CR1: variants seen among roughly 807,000 people sequenced by gnomAD.
CR1 encodes the protein complement C3b/C4b receptor 1 (Knops blood group), also known as complement receptor type 1.
In CR1, 116 loss-of-function variants were observed where a neutral mutation model predicts 187.3. The observed-to-expected ratio is 0.62, with a 90% confidence interval of 0.53 to 0.72. CR1 has a LOEUF of 0.72. CR1 is among the 30% of genes least tolerant of loss of function. The pLI, the probability that CR1 is intolerant of heterozygous loss-of-function variation, is 0.00. For synonymous variants in CR1, 576 were observed against 747.1 expected, an observed-to-expected ratio of 0.77 and a Z score of 3.73; for missense variants, 1,731 against 2,110.7, an observed-to-expected ratio of 0.82 and a Z score of 3.52.
chr1:207,593,084 C>A (rs6657052), intron 35 of CR1, among the ~76,000 whole-genome samples: 8,262 of 81,450 alleles, frequency 0.1, 286 homozygotes, highest in Middle Eastern at 0.23. Context: ...CACAGAATTA[C>A]AAAAAAAAAA....
rs188314729 is a variant in CR1, at chr1:207,498,693, A to G, written c.121+2305A>G. Among the ~76,000 whole-genome samples the G allele has an allele frequency of 2.0e-5, 3 of 152,094 alleles. No individual in the cohort carries two copies. The East Asian group carries it at 5.8e-4, about 29-fold the overall frequency. On this transcript the variant is annotated intron_variant, in intron 1 of 46. Coordinates refer to ENST00000367049, the MANE Select transcript of CR1 (RefSeq NM_000651.6). Reference sequence around the variant, plus strand: ...CAGGAGTTCAAGACCAGCCTGGCCAACATAGTGAAACCCTGTCTCTACAAA... The same window carrying G: ...CAGGAGTTCAAGACCAGCCTGGCCAGCATAGTGAAACCCTGTCTCTACAAA...
intron 35 of CR1, chr1:207,606,565 C>G (rs1371720246): frequency 6.6e-6 from 1 of 152,202 alleles, no homozygotes; most frequent in African/African-American, 2.4e-5. Flanking sequence ...CAAGTTTAGG[C>G]CTGCTGTACA....
Position 207,581,975 on chromosome 1 carries a change from T to G in CR1, c.5274T>G (p.Leu1758=). The G allele has an allele frequency of 6.2e-7, 1 of 1,613,122 alleles. No individual in the cohort carries two copies. Among genetic ancestry groups the G allele is most frequent in the Non-Finnish European group, 8.5e-7 (1 of 1,179,290 alleles). The part of the protein sequence containing the change: ...SHCVLVGMRS[L]WNNSVPVCEH... ...GTGTCTTGGTTGGAATGAGAAGCCT[T>G]TGGAATAACAGTGTTCCTGTGTGTG... is the stretch of plus-strand genomic sequence containing the variant. Residue 1758 remains leucine, a synonymous_variant, in exon 32 of 47, where the codon CTT becomes CTG. Transcript: ENST00000367049.
intron 1 of CR1, among the ~76,000 whole-genome samples, chr1:207,501,000 T>C (rs938150799): frequency 7.0e-6 from 1 of 143,154 alleles, no homozygotes; most frequent in African/African-American, 2.9e-5. Flanking sequence ...GTGTGAAGGC[T>C]AAACCATAAA....
In CR1 at chr1:207,496,331, T is replaced by C. The variant is rs1186041714; in HGVS notation, c.64T>C (p.Cys22Arg). 12 of 1,613,392 alleles carry C rather than the reference T, an allele frequency of 7.4e-6. No homozygotes were observed. Among genetic ancestry groups the C allele is most frequent in the Non-Finnish European group, 1.0e-5 (12 of 1,179,778 alleles). The stretch of plus-strand genomic sequence containing the variant: ...GCCGCCGGCGCCCGGTCTCCCCTTC[T>C]GCTGCGGAGGATCCCTGCTGGCGGT... ...VGPPAPGLPFCCGGSLLAVVV... is the reference protein window; with the variant it reads ...VGPPAPGLPFRCGGSLLAVVV... The change falls in exon 1 of 47, where the codon TGC (cysteine) becomes CGC (arginine). Residue 22 changes from cysteine to arginine, a missense_variant. By Grantham distance (180) the Cys-to-Arg change is radical (BLOSUM62 -3). This residue lies in a region of CR1 where 237 missense variants were observed against 240.4 expected (regional missense o/e 0.99). Transcript: ENST00000367049.
At chr1:207,596,069 C>A (rs1661430143) in intron 35 of CR1, among the ~76,000 whole-genome samples, 1 of 145,678 alleles carries the variant, frequency 6.9e-6, no homozygotes, top group African/African-American at 2.5e-5. Flanking sequence ...ATATCTATAT[C>A]TATATCTATA....
At chr1:207,610,926 G>A (rs1475521597) in intron 37 of CR1, among the ~76,000 whole-genome samples, 1 of 151,848 alleles carries the variant, frequency 6.6e-6, no homozygotes, top group East Asian at 1.9e-4. Context: ...TTTATCCTTT[G>A]TGTTACAAAT....
At chr1:207,638,047 A>G (rs1662870440) in intron 46 of CR1, among the ~76,000 whole-genome samples, 1 of 152,250 alleles carries the variant, frequency 6.6e-6, no homozygotes, top group African/African-American at 2.4e-5. Context: ...ATAAATGTTT[A>G]AAAAATTTAA....
intron 35 of CR1, among the ~76,000 whole-genome samples, chr1:207,601,928 C>A (rs1231819673): frequency 6.6e-6 from 1 of 152,066 alleles, no homozygotes. Context: ...TTCAGTTCCT[C>A]ACTACATGGG....
chr1:207,587,089 T>A (rs1050547660), intron 33 of CR1, among the ~76,000 whole-genome samples: 2 of 152,136 alleles, frequency 1.3e-5, no homozygotes, highest in African/African-American at 2.4e-5. Context: ...ACTGAGGATA[T>A]AGGCACTCCG....
In CR1 at chr1:207,609,466, G is replaced by T; in HGVS notation, c.6073G>T (p.Val2025Phe). Residue 2025 changes from valine to phenylalanine, a missense_variant, in exon 37 of 47, where the codon GTT (valine) becomes TTT (phenylalanine). Val to Phe is a conservative substitution (Grantham distance 50). This residue lies in a region of CR1 where 1,312 missense variants were observed against 1,379.6 expected (regional missense o/e 0.95). Coordinates refer to ENST00000367049, the MANE Select transcript of CR1 (RefSeq NM_000651.6). ...ATATTGCACCAGCAAAGATGATCAAGTTGGTGTTTGGAGCAGCCCTCCCCC... is the reference window on the plus strand; with the variant it reads ...ATATTGCACCAGCAAAGATGATCAATTTGGTGTTTGGAGCAGCCCTCCCCC... Reference protein sequence around the residue: ...SIYCTSKDDQVGVWSSPPPRC... With the variant: ...SIYCTSKDDQFGVWSSPPPRC... 1 of 1,614,034 alleles carries T rather than the reference G, an allele frequency of 6.2e-7. No individual in the cohort carries two copies.
intron 46 of CR1, among the ~76,000 whole-genome samples, chr1:207,630,830 G>T (rs549011159): frequency 6.6e-6 from 1 of 152,056 alleles, no homozygotes; most frequent in South Asian, 2.1e-4. Flanking sequence ...AGTTAGTACA[G>T]TCACAGTCAC....
intron 31 of CR1, among the ~76,000 whole-genome samples, chr1:207,580,828 A>G (rs1016143102): frequency 3.3e-5 from 5 of 152,204 alleles, no homozygotes; most frequent in African/African-American, 1.2e-4. Context: ...ACTGAGTGTC[A>G]AGTACAAACA....
intron 3 of CR1, among the ~76,000 whole-genome samples, chr1:207,508,201 G>GA (rs1375300633): frequency 6.6e-6 from 1 of 152,168 alleles, no homozygotes; most frequent in Non-Finnish European, 1.5e-5. Flanking sequence ...TACTCTGTAT[G>GA]ATGCCATAAC....
At chr1:207,603,804 G>A (rs963002408) in intron 35 of CR1, among the ~76,000 whole-genome samples, 2 of 152,028 alleles carry the variant, frequency 1.3e-5, no homozygotes, top group African/African-American at 2.4e-5. Context: ...AAGTGGTTTC[G>A]CATTTCAACT....
At chr1:207,596,285 A>T (rs1246978400) in intron 35 of CR1, among the ~76,000 whole-genome samples, 1 of 152,056 alleles carries the variant, frequency 6.6e-6, no homozygotes, top group African/African-American at 2.4e-5. Flanking sequence ...AACAGATATA[A>T]ACTCCATTGG....
rs555267531 is a variant in CR1, at chr1:207,502,366, T to C, written c.122-3538T>C. Among the ~76,000 whole-genome samples, 19 of 152,256 alleles carry C rather than the reference T, an allele frequency of 1.2e-4. No individual in the cohort carries two copies. The South Asian group carries it at 3.7e-3, about 30-fold the overall frequency. ...GGAAGTAGTTTAGATTCCAAATCCC[T>C]AAGAGGGTCAGGGAAGGCTTCAGAT... On this transcript the variant is annotated intron_variant, in intron 1 of 46. Transcript: ENST00000367049.
intron 37 of CR1, 37 bp from the exon 38 acceptor site, chr1:207,611,640 A>T: frequency 1.9e-6 from 3 of 1,610,130 alleles, no homozygotes; most frequent in Non-Finnish European, 1.7e-6. Flanking sequence ...AAATTGCCCC[A>T]TATCTAACAA....
intron 38 of CR1, 32 bp from the exon 39 acceptor site, chr1:207,611,907 A>G (rs1308416918): frequency 6.2e-7 from 1 of 1,613,904 alleles, no homozygotes; most frequent in Admixed American, 1.7e-5. Context: ...CACATGGAGG[A>G]CTTACTCCTG....
Sources: allele counts gnomAD v4.1 joint callset (sites outside exome capture counted in the v4.1 genomes callset), GRCh38; gene constraint gnomAD v4.1.1; regional missense constraint gnomAD v4.1.1; transcripts MANE v1.5; gene names NCBI Gene and HGNC (gene_info 2026-07-23, HGNC 2026-07-21).